PKNOX2: variants seen among roughly 807,000 people sequenced by gnomAD.
PKNOX2 encodes PBX/knotted 1 homeobox 2.
In PKNOX2, 14 loss-of-function variants were observed where a neutral mutation model predicts 53.1. That is an observed-to-expected ratio of 0.26 (90% CI 0.17 to 0.41). The LOEUF (loss-of-function observed/expected upper bound fraction) is 0.41, where lower values mean the gene tolerates loss of function less well. Among genes scored for constraint, PKNOX2 ranks in the 10% least tolerant of loss-of-function variants. The pLI is 1.00. For missense variants in PKNOX2, 496 were observed against 602.8 expected (o/e 0.82, Z 1.85); for synonymous variants, 257 against 242.8 (o/e 1.06, Z -0.54).
intron 1 of PKNOX2, among the ~76,000 whole-genome samples, chr11:125,205,084 A>G (rs639863): frequency 0.49 from 73,831 of 152,118 alleles, 18,485 homozygotes; most frequent in African/African-American, 0.57. Flanking sequence ...GCTTGTGTCC[A>G]TTACGTGTTC....
intron 2 of PKNOX2, among the ~76,000 whole-genome samples, chr11:125,286,880 T>C (rs551042537): frequency 7.2e-5 from 11 of 152,340 alleles, no homozygotes; most frequent in African/African-American, 2.4e-4. Context: ...ACAGCGTATG[T>C]TGTGAGTGCG....
intron 2 of PKNOX2, chr11:125,277,631 C>A (rs890753417): frequency 2.0e-5 from 3 of 152,042 alleles, no homozygotes; most frequent in African/African-American, 4.8e-5. Flanking sequence ...GGATGACACA[C>A]AAATTCATGA....
Position 125,248,339 on chromosome 11 carries a change from G to A in PKNOX2, c.-130+13224G>A, listed in dbSNP as rs1429904248. 4.6e-5 allele frequency among the ~76,000 whole-genome samples: 7 copies of A among 152,232 alleles called. No homozygotes were observed. In the South Asian group the frequency reaches 1.5e-3, roughly 32 times the overall value. ...TGTTAAATTCTGCTTGGTATACTGA[G>A]CAGACTGGAATTACTTTTGCACAGC... On this transcript the variant is annotated intron_variant, in intron 2 of 12. Transcript: ENST00000298282.
chr11:125,312,983 AG>A (rs1237691476), intron 2 of PKNOX2, among the ~76,000 whole-genome samples: 1 of 152,186 alleles, frequency 6.6e-6, no homozygotes, highest in Non-Finnish European at 1.5e-5. Flanking sequence ...TGTGAAAGGC[AG>A]GGGGGAGGCT....
intron 1 of PKNOX2, among the ~76,000 whole-genome samples, chr11:125,168,302 A>C (rs542764843): frequency 1.3e-5 from 2 of 152,362 alleles, no homozygotes; most frequent in Admixed American, 1.3e-4. Context: ...CAGAAACTGC[A>C]GTGGGCTCAG....
At chr11:125,411,676 A>G in intron 9 of PKNOX2, 70 bp from the exon 10 acceptor site, 2 of 1,610,530 alleles carry the variant, frequency 1.2e-6, no homozygotes, top group Non-Finnish European at 1.7e-6. Flanking sequence ...TGCCGTCGCT[A>G]TGGCAACAGG....
intron 1 of PKNOX2, among the ~76,000 whole-genome samples, chr11:125,195,865 C>A (rs1301519718): frequency 6.8e-6 from 1 of 146,058 alleles, no homozygotes; most frequent in African/African-American, 2.6e-5. Flanking sequence ...TGAATTCTCT[C>A]CCAAGGAATA....
chr11:125,322,550 C>T (rs1471348798), intron 2 of PKNOX2, among the ~76,000 whole-genome samples: 2 of 152,236 alleles, frequency 1.3e-5, no homozygotes, highest in East Asian at 3.8e-4. Context: ...GATGGCGCTG[C>T]TCTCGTGGGG....
chr11:125,392,825 G>C (rs915306873), intron 6 of PKNOX2, among the ~76,000 whole-genome samples: 4 of 152,136 alleles, frequency 2.6e-5, no homozygotes, highest in African/African-American at 9.7e-5. Context: ...AAGGGAAAGA[G>C]AAGAAAGGTT....
chr11:125,226,126 T>A (rs1404783637), intron 1 of PKNOX2, among the ~76,000 whole-genome samples: 3 of 152,226 alleles, frequency 2.0e-5, no homozygotes, highest in Non-Finnish European at 4.4e-5. Flanking sequence ...TCAAAGTATG[T>A]AATTATTTCA....
At chr11:125,176,042 TG>T (rs1465233015) in intron 1 of PKNOX2, among the ~76,000 whole-genome samples, 5 of 152,204 alleles carry the variant, frequency 3.3e-5, no homozygotes, top group Non-Finnish European at 7.3e-5. Context: ...GATTCAAAGC[TG>T]GCAGGGTGGC....
chr11:125,327,170 C>T (rs886636402), intron 2 of PKNOX2, among the ~76,000 whole-genome samples: 1 of 152,204 alleles, frequency 6.6e-6, no homozygotes, highest in African/African-American at 2.4e-5. Flanking sequence ...CCACAGATTC[C>T]AGAGGCTCGG....
chr11:125,341,770 G>T (rs367701018), intron 3 of PKNOX2, among the ~76,000 whole-genome samples: 3 of 152,276 alleles, frequency 2.0e-5, no homozygotes, highest in Admixed American at 2.0e-4. Context: ...AAAGGCACGA[G>T]AGCATCTTAG....
At chr11:125,270,414 A>T (rs1945701966) in intron 2 of PKNOX2, among the ~76,000 whole-genome samples, 1 of 152,030 alleles carries the variant, frequency 6.6e-6, no homozygotes, top group Admixed American at 6.5e-5. Flanking sequence ...AAGGGCCCAG[A>T]CCTGGGGCTG....
chr11:125,379,950 C>T (rs891991829), intron 5 of PKNOX2, among the ~76,000 whole-genome samples: 2 of 116,592 alleles, frequency 1.7e-5, no homozygotes, highest in Admixed American at 1.3e-4. Context: ...AACTGCATAT[C>T]TTAAGTTTGA....
chr11:125,312,117 T>C (rs2136013047), intron 2 of PKNOX2, among the ~76,000 whole-genome samples: 1 of 152,270 alleles, frequency 6.6e-6, no homozygotes, highest in Admixed American at 6.5e-5. Flanking sequence ...GGAAAAACAG[T>C]GCGTAACTTT....
At chr11:125,257,641 C>T (rs1021575538) in intron 2 of PKNOX2, among the ~76,000 whole-genome samples, 5 of 152,206 alleles carry the variant, frequency 3.3e-5, no homozygotes, top group Non-Finnish European at 5.9e-5. Context: ...GACGATCCTG[C>T]CCACAGGTAA....
At chr11:125,356,302 T>A (rs1417696064) in intron 4 of PKNOX2, among the ~76,000 whole-genome samples, 3 of 152,124 alleles carry the variant, frequency 2.0e-5, no homozygotes, top group African/African-American at 7.2e-5. Context: ...AGGAACAAAC[T>A]GATGGGTAGG....
At chr11:125,304,724 G>C (rs1948312014) in intron 2 of PKNOX2, among the ~76,000 whole-genome samples, 1 of 152,216 alleles carries the variant, frequency 6.6e-6, no homozygotes. Flanking sequence ...ACAGGATGCA[G>C]GTGGAGGTAC....
Sources: gnomAD v4.1 joint callset for allele counts (sites outside exome capture counted in the v4.1 genomes callset) on GRCh38, gnomAD v4.1.1 for gene constraint, MANE v1.5 for transcripts, NCBI Gene and HGNC (gene_info 2026-07-23, HGNC 2026-07-21) for gene names.